Variants in ANGPTL2 observed in about 807,000 individuals in gnomAD.
ANGPTL2 encodes angiopoietin like 2.
In ANGPTL2, 25 loss-of-function variants were observed where a neutral mutation model predicts 52.8. That is an observed-to-expected ratio of 0.47 (90% CI 0.35 to 0.66). ANGPTL2 has a LOEUF of 0.66. Ranked by LOEUF, ANGPTL2 falls within the 30% of genes least tolerant of loss-of-function variation. The pLI is 0.01. For synonymous variants in ANGPTL2, 276 were observed against 277.4 expected (o/e 1.00, Z 0.05); for missense variants, 546 against 656.9 (o/e 0.83, Z 1.84).
intron 2 of ANGPTL2, among the ~76,000 whole-genome samples, chr9:127,099,514 T>A (rs1473207703): frequency 4.0e-5 from 6 of 151,718 alleles, no homozygotes; most frequent in African/African-American, 1.5e-4. Context: ...TAGGTGAGAG[T>A]CCCACCCAGG....
At position 127,108,725 on chromosome 9, in the gene ANGPTL2, G is replaced by T. The variant is rs778072218; in HGVS notation, c.7C>A (p.Pro3Thr). 6.2e-7 allele frequency: 1 copy of T among 1,605,428 alleles called. No individual in the cohort carries two copies. The highest frequency in any genetic ancestry group is 1.3e-5 in the African/African-American group (1 of 74,824). Residue 3 changes from proline (P) to threonine (T), a missense_variant, in exon 2 of 5, where the codon CCA becomes ACA. By Grantham distance (38) the Pro-to-Thr change is conservative. This residue lies in a region of ANGPTL2 where 285 missense variants were observed against 295.8 expected (regional missense o/e 0.96). Coordinates refer to ENST00000373425, the MANE Select transcript of ANGPTL2 (RefSeq NM_012098.3). MR[P>T]LCVTCWWLGL... The stretch of plus-strand genomic sequence containing the variant: ...AGCCACCAGCATGTCACGCACAGTG[G>T]CCTCATGGTCCTTGCAAAATGGTGG...
intron 2 of ANGPTL2, among the ~76,000 whole-genome samples, chr9:127,100,400 C>T (rs899739158): frequency 1.3e-5 from 2 of 152,212 alleles, no homozygotes; most frequent in Non-Finnish European, 2.9e-5. Context: ...GACATTGCAG[C>T]ACTACTTTCC....
chr9:127,091,869 GC>G lies in ANGPTL2; in HGVS notation c.1082del (p.Gly361AlafsTer7). The G allele has an allele frequency of 6.2e-7, 1 of 1,614,140 alleles. No individual in the cohort carries two copies. Among genetic ancestry groups the G allele is most frequent in the Non-Finnish European group, 8.5e-7 (1 of 1,180,028 alleles). ...LENIYWLTNQ[G>X]NYKLLVTMED... ...CCATGGTCACCAGGAGTTTGTAGTTGCCTTGGTTCGTCAGCCAGTAAATGTT... is the reference window on the plus strand; with the variant it reads ...CCATGGTCACCAGGAGTTTGTAGTTGCTTGGTTCGTCAGCCAGTAAATGTT... On this transcript the variant is annotated frameshift_variant, in exon 4 of 5. Coordinates refer to ENST00000373425, the MANE Select transcript of ANGPTL2 (RefSeq NM_012098.3). LOFTEE classifies it high-confidence loss of function. This position sits in a 1 kb window ranked among gnomAD's most constrained non-coding sequence, Gnocchi z 4.3.
chr9:127,102,680 G>A (rs1163347243), intron 2 of ANGPTL2, among the ~76,000 whole-genome samples: 1 of 152,160 alleles, frequency 6.6e-6, no homozygotes, highest in African/African-American at 2.4e-5. Flanking sequence ...GTTCCCCAAG[G>A]TACCAGAAGA....
Position 127,107,916 on chromosome 9 carries a change from C to G in ANGPTL2, c.816G>C (p.Ser272=), listed in dbSNP as rs145108712. The G allele has an allele frequency of 4.6e-6, 7 of 1,529,284 alleles. No homozygotes were observed. Among genetic ancestry groups the G allele is most frequent in the Middle Eastern group, 1.8e-4 (1 of 5,524 alleles). The allele number at this position is 1,529,284 out of a possible 1,614,324, so 94.7% of individuals were successfully genotyped here. A position where few individuals can be genotyped will look rare whatever the true frequency, so the allele number is the denominator to read the frequency against. ...TAACACGATCCCAGAAGCACTTACC[C>G]GACGGCTTGTCGGTGGAAGATGGGA... The part of the protein sequence containing the change: ...TSLPSSTDKP[S]GPWRDCLQAL... The change falls in exon 2 of 5, where the codon TCG becomes TCC. Residue 272 remains serine, a splice_region_variant and synonymous_variant. Coordinates refer to ENST00000373425, the MANE Select transcript of ANGPTL2 (RefSeq NM_012098.3).
rs1262783497 is a variant in ANGPTL2, at chr9:127,088,168, A to G, written c.*771T>C. On this transcript the variant is annotated 3_prime_UTR_variant, in exon 5 of 5. Transcript: ENST00000373425. The stretch of plus-strand genomic sequence containing the variant: ...GGCCAGGGACTGACACACAGAAGGC[A>G]CTTAATGAATGGTGTCAAATGAAGG... 1 of 152,384 alleles carries G rather than the reference A, an allele frequency of 6.6e-6. No homozygotes were observed. Among genetic ancestry groups the G allele is most frequent in the South Asian group, 2.1e-4 (1 of 4,828 alleles). 9.4% of individuals were successfully genotyped at this position (152,384 alleles called of 1,614,324 possible). A position where few individuals can be genotyped will look rare whatever the true frequency, so the allele number is the denominator to read the frequency against.
In ANGPTL2 at chr9:127,108,381, C is replaced by CA. The variant is rs1378499267; in HGVS notation, c.350dup (p.Ser118GlufsTer84). The CA allele has an allele frequency of 6.2e-7, 1 of 1,609,674 alleles. No individual in the cohort carries two copies. The highest frequency in any genetic ancestry group is 8.5e-7 in the Non-Finnish European group (1 of 1,178,146). The stretch of plus-strand genomic sequence containing the variant: ...CCTTGCGCAGCAGCTTCACCTCGCT[C>CA]ACAATGCCGCCGTCCACCTCCACCA... On this transcript the variant is annotated frameshift_variant, in exon 2 of 5. Coordinates refer to ENST00000373425, the MANE Select transcript of ANGPTL2 (RefSeq NM_012098.3). LOFTEE classifies it high-confidence loss of function.
intron 1 of ANGPTL2, among the ~76,000 whole-genome samples, chr9:127,110,755 T>C (rs1423970249): frequency 6.6e-6 from 1 of 152,214 alleles, no homozygotes; most frequent in Non-Finnish European, 1.5e-5. Context: ...CTTTCTTTCA[T>C]ACCCCACATC....
chr9:127,115,800 G>T lies in ANGPTL2; in HGVS notation c.-50+6515C>A, dbSNP rs563292724. Reference sequence around the variant, plus strand: ...AGCTGCTTGATCACGCAAGTGGTAAGACCCCAAAATGGGCATCTGGGATGA... The same window carrying T: ...AGCTGCTTGATCACGCAAGTGGTAATACCCCAAAATGGGCATCTGGGATGA... On this transcript the variant is annotated intron_variant, in intron 1 of 4. Transcript: ENST00000373425. 1.4e-4 allele frequency among the ~76,000 whole-genome samples: 21 copies of T among 152,350 alleles called. No individual in the cohort carries two copies. In the South Asian group the frequency reaches 4.4e-3, roughly 32 times the overall value.
At chr9:127,099,675 G>C (rs2136750992) in intron 2 of ANGPTL2, among the ~76,000 whole-genome samples, 1 of 152,310 alleles carries the variant, frequency 6.6e-6, no homozygotes, top group East Asian at 1.9e-4. Context: ...ATAAGATTCT[G>C]GTTATGGATG....
chr9:127,096,421 G>A (rs991077898), intron 2 of ANGPTL2, among the ~76,000 whole-genome samples: 3 of 152,186 alleles, frequency 2.0e-5, no homozygotes, highest in Non-Finnish European at 4.4e-5. Flanking sequence ...CGCCCACTGA[G>A]AGCGAGCAGC....
At position 127,089,057 on chromosome 9, in the gene ANGPTL2, C is replaced by A. The variant is rs1392411907; in HGVS notation, c.1364G>T (p.Gly455Val). 1 of 1,614,190 alleles carries A rather than the reference C, an allele frequency of 6.2e-7. No individual in the cohort carries two copies. The highest frequency in any genetic ancestry group is 1.1e-5 in the South Asian group (1 of 91,072). ...HSNLNGVWYR[G>V]GHYRSRYQDG... Reference sequence around the variant, plus strand: ...CTGGTAGCGGCTCCGGTAATGGCCCCCGCGGTACCAGACCCCGTTGAGGTT... The same window carrying A: ...CTGGTAGCGGCTCCGGTAATGGCCCACGCGGTACCAGACCCCGTTGAGGTT... Residue 455 changes from glycine (G) to valine (V), a missense_variant, in exon 5 of 5, where the codon GGG (glycine) becomes GTG (valine). By Grantham distance (109) the Gly-to-Val change is moderately radical (BLOSUM62 -3). This residue lies in a region of ANGPTL2 where 261 missense variants were observed against 361.0 expected (regional missense o/e 0.72). Transcript: ENST00000373425.
chr9:127,121,075 C>T (rs1345311995), intron 1 of ANGPTL2, among the ~76,000 whole-genome samples: 1 of 152,118 alleles, frequency 6.6e-6, no homozygotes, highest in African/African-American at 2.4e-5. Context: ...AGCCATGTAG[C>T]CATGGGCACA....
chr9:127,109,611 C>G (rs954297731), intron 1 of ANGPTL2, among the ~76,000 whole-genome samples: 10 of 152,234 alleles, frequency 6.6e-5, no homozygotes, highest in African/African-American at 2.4e-4. Flanking sequence ...GAATGTGTCT[C>G]CAGATTTGCT....
intron 3 of ANGPTL2, among the ~76,000 whole-genome samples, chr9:127,092,899 C>T (rs910560506): frequency 7.9e-5 from 12 of 152,136 alleles, no homozygotes; most frequent in Admixed American, 5.2e-4. Flanking sequence ...GTGTGCAAGG[C>T]ATCATGGCTT....
Position 127,108,009 on chromosome 9 carries a change from C to G in ANGPTL2, c.723G>C (p.Glu241Asp). The G allele has an allele frequency of 6.2e-7, 1 of 1,601,106 alleles. No homozygotes were observed. Among genetic ancestry groups the G allele is most frequent in the Non-Finnish European group, 8.5e-7 (1 of 1,171,478 alleles). ...CCTTCAGGTTCTGGTCACTCTGGAT[C>G]TCGTTGGTAGAGATCTGGTTGATGA... ...NRIINQISTN[E>D]IQSDQNLKVL... Residue 241 changes from glutamate (E) to aspartate (D), a missense_variant, in exon 2 of 5, where the codon GAG becomes GAC. Glu to Asp is a conservative substitution (Grantham distance 45). Around this residue, in one of 2 missense-constraint regions of ANGPTL2, gnomAD observed 261 missense variants for 361.0 expected, o/e 0.72. Transcript: ENST00000373425.
intron 1 of ANGPTL2, among the ~76,000 whole-genome samples, chr9:127,121,673 C>G (rs2056101173): frequency 6.6e-6 from 1 of 152,250 alleles, no homozygotes; most frequent in African/African-American, 2.4e-5. Flanking sequence ...CGCATCCTCC[C>G]TGTATCTTGG....
intron 2 of ANGPTL2, 27 bp downstream of exon 2, chr9:127,107,888 A>T: frequency 6.6e-7 from 1 of 1,515,554 alleles, no homozygotes; most frequent in Non-Finnish European, 8.8e-7. Flanking sequence ...TGAGACCCAC[A>T]TGTAACACGA....
At chr9:127,117,971 T>C (rs867852545) in intron 1 of ANGPTL2, among the ~76,000 whole-genome samples, 1 of 152,258 alleles carries the variant, frequency 6.6e-6, no homozygotes, top group African/African-American at 2.4e-5. Context: ...GCTCTGGGGC[T>C]GCTGGCCCCA....
Sources: allele counts gnomAD v4.1 joint callset (sites outside exome capture counted in the v4.1 genomes callset), GRCh38; gene constraint gnomAD v4.1.1; regional missense constraint gnomAD v4.1.1; non-coding constraint Gnocchi (gnomAD v3.1); transcripts MANE v1.5; gene names NCBI Gene and HGNC (gene_info 2026-07-23, HGNC 2026-07-21).